Variants in RIMS2 observed in about 807,000 individuals in gnomAD.
RIMS2 encodes the protein regulating synaptic membrane exocytosis protein 2.
RIMS2 carries 59 observed loss-of-function variants against 174.4 expected under a neutral mutation model. The ratio of observed to expected loss-of-function variants is 0.34; its 90% CI spans 0.27 to 0.42. RIMS2 has a LOEUF of 0.42. Ranked by LOEUF, RIMS2 falls within the 10% of genes least tolerant of loss-of-function variation. RIMS2 has a pLI of 1.00. For missense variants in RIMS2, 1,620 were observed against 1,666.3 expected, an observed-to-expected ratio of 0.97 and a Z score of 0.48; for synonymous variants, 606 against 572.5, an observed-to-expected ratio of 1.06 and a Z score of -0.84.
At chr8:103,725,857 C>T (rs1468486768) in intron 2 of RIMS2, among the ~76,000 whole-genome samples, 1 of 152,176 alleles carries the variant, frequency 6.6e-6, no homozygotes, top group Non-Finnish European at 1.5e-5. Context: ...CATAACCTCA[C>T]CAGCATTTGG....
At chr8:104,208,763 T>A (rs775364905) in intron 19 of RIMS2, among the ~76,000 whole-genome samples, 19 of 152,010 alleles carry the variant, frequency 1.2e-4, no homozygotes, top group Non-Finnish European at 2.4e-4. Flanking sequence ...TAAATATAAT[T>A]TTAGAGGTAA....
intron 1 of RIMS2, among the ~76,000 whole-genome samples, chr8:103,527,603 G>A (rs929598577): frequency 2.6e-5 from 4 of 151,140 alleles, no homozygotes; most frequent in East Asian, 2.0e-4. Flanking sequence ...AAGTGTTCTC[G>A]TTGTTCAGTT....
At chr8:103,764,324 T>C (rs1413488947) in intron 2 of RIMS2, among the ~76,000 whole-genome samples, 1 of 152,240 alleles carries the variant, frequency 6.6e-6, no homozygotes, top group Non-Finnish European at 1.5e-5. Context: ...GATAAATTCA[T>C]ATCTTATAAT....
At chr8:104,248,925 CT>C (rs2140222406) in intron 21 of RIMS2, 112 bp downstream of exon 27, 1 of 545,292 alleles carries the variant, frequency 1.8e-6, no homozygotes, top group Admixed American at 3.8e-5. Context: ...CCCTCTCTCT[CT>C]CCCTCTATTT....
chr8:104,117,258 CAG>C (rs1284377655), intron 19 of RIMS2, among the ~76,000 whole-genome samples: 1 of 152,042 alleles, frequency 6.6e-6, no homozygotes, highest in Non-Finnish European at 1.5e-5. Context: ...TAGCTGAGCA[CAG>C]TGTGTATTTT....
At chr8:104,223,938 GAGCACGTC>G in intron 19 of RIMS2, 4 of 661,216 alleles carry the variant, frequency 6.0e-6, no homozygotes, top group Non-Finnish European at 7.5e-6. Flanking sequence ...GACAGCCCTA[GAGCACGTC>G]AGCTGAGCAG....
chr8:103,939,057 T>C (rs937924671), intron 13 of RIMS2, among the ~76,000 whole-genome samples: 2 of 152,200 alleles, frequency 1.3e-5, no homozygotes, highest in Non-Finnish European at 2.9e-5. Context: ...AAGCTGTAGA[T>C]GGATCTACCA....
intron 19 of RIMS2, among the ~76,000 whole-genome samples, chr8:104,233,119 A>T (rs1439460958): frequency 6.6e-6 from 1 of 152,228 alleles, no homozygotes; most frequent in Non-Finnish European, 1.5e-5. Flanking sequence ...AAGGTAAAGA[A>T]GATGGCATTC....
At chr8:104,146,643 T>C (rs577754658) in intron 19 of RIMS2, among the ~76,000 whole-genome samples, 1 of 152,198 alleles carries the variant, frequency 6.6e-6, no homozygotes, top group African/African-American at 2.4e-5. Context: ...ATCTTTGACA[T>C]CCTTGGTAAT....
intron 19 of RIMS2, among the ~76,000 whole-genome samples, chr8:104,124,069 G>T (rs1374496477): frequency 6.6e-6 from 1 of 152,076 alleles, no homozygotes; most frequent in Non-Finnish European, 1.5e-5. Flanking sequence ...TTTAAAAGCA[G>T]CCAGTGCAAA....
chr8:103,783,287 T>A (rs2098409158), intron 3 of RIMS2, among the ~76,000 whole-genome samples: 1 of 150,956 alleles, frequency 6.6e-6, no homozygotes, highest in East Asian at 1.9e-4. Context: ...TTTTTTATTA[T>A]ACTTTAAGTT....
At position 103,759,564 on chromosome 8, in the gene RIMS2, CAAAA is replaced by C. The variant is rs35946104; in HGVS notation, c.388-6642_388-6639del. ...TGGGCGACAGAGCGAGACTCCGTCT[CAAAA>C]AAAAAAAAAAAAAAAAAAAAGAAAA... On this transcript the variant is annotated intron_variant, in intron 2 of 23. Transcript: ENST00000504942. Among the ~76,000 whole-genome samples, 957 of 69,948 alleles carry C rather than the reference CAAAA, an allele frequency of 0.014. 3 individuals are homozygous for C. The Middle Eastern group carries it at 0.14, about 10-fold the overall frequency. 45.9% of individuals were successfully genotyped at this position (69,948 alleles called of 152,430 possible).
In RIMS2 at chr8:103,552,185, T is replaced by C. The variant is rs577157827; in HGVS notation, c.176+51123T>C. 5.7e-4 allele frequency among the ~76,000 whole-genome samples: 87 copies of C among 152,154 alleles called. 2 individuals carry two copies. Among genetic ancestry groups the C allele is most frequent in the Non-Finnish European group, 7.9e-4 (54 of 68,020 alleles). On this transcript the variant is annotated intron_variant, in intron 1 of 23. Transcript: ENST00000504942. Reference sequence around the variant, plus strand: ...AAAAACAAAGCTGGAGGCATCATGCTACCTGACTTCAAACTATACTATAAG... The same window carrying C: ...AAAAACAAAGCTGGAGGCATCATGCCACCTGACTTCAAACTATACTATAAG...
At chr8:104,040,002 G>C (rs1453964515) in intron 19 of RIMS2, among the ~76,000 whole-genome samples, 1 of 151,432 alleles carries the variant, frequency 6.6e-6, no homozygotes, top group Non-Finnish European at 1.5e-5. Flanking sequence ...TTCTTTTCCA[G>C]TTTTCTATAA....
At chr8:104,172,748 G>A (rs1224717164) in intron 19 of RIMS2, among the ~76,000 whole-genome samples, 1 of 152,182 alleles carries the variant, frequency 6.6e-6, no homozygotes, top group African/African-American at 2.4e-5. Flanking sequence ...AAATGGAAGA[G>A]AATATTGAAG....
chr8:103,540,721 G>T (rs995151002), intron 1 of RIMS2, among the ~76,000 whole-genome samples: 2 of 152,052 alleles, frequency 1.3e-5, no homozygotes, highest in Non-Finnish European at 2.9e-5. Context: ...TTGTTTTAAG[G>T]AATCTCAGCA....
chr8:103,902,429 G>A (rs1387833127), intron 4 of RIMS2, among the ~76,000 whole-genome samples: 1 of 152,248 alleles, frequency 6.6e-6, no homozygotes, highest in South Asian at 2.1e-4. Context: ...CATATACAAA[G>A]CCATGAATAC....
chr8:103,651,904 G>C (rs1273969931), intron 1 of RIMS2, among the ~76,000 whole-genome samples: 1 of 152,042 alleles, frequency 6.6e-6, no homozygotes, highest in Admixed American at 6.6e-5. Context: ...AATATAGTAT[G>C]TTAAAATAAT....
intron 1 of RIMS2, among the ~76,000 whole-genome samples, chr8:103,508,971 T>C (rs569838570): frequency 6.6e-6 from 1 of 152,196 alleles, no homozygotes; most frequent in Non-Finnish European, 1.5e-5. Context: ...ATCTCACTTA[T>C]AGTTAGCTCT....
Sources: gnomAD v4.1 joint callset for allele counts (sites outside exome capture counted in the v4.1 genomes callset) on GRCh38, gnomAD v4.1.1 for gene constraint, MANE v1.5 for transcripts, NCBI Gene and HGNC (gene_info 2026-07-23, HGNC 2026-07-21) for gene names.